The following USP32 variants were observed in gnomAD, a reference collection of about 807,000 sequenced individuals.
The protein encoded by USP32 is ubiquitin specific peptidase 32.
In USP32, 59 loss-of-function variants were observed where a neutral mutation model predicts 204.8. The ratio of observed to expected loss-of-function variants is 0.29; its 90% CI spans 0.23 to 0.36. The LOEUF (loss-of-function observed/expected upper bound fraction) is 0.36. Ranked by LOEUF, USP32 falls within the 10% of genes least tolerant of loss-of-function variation. The pLI, the probability that USP32 is intolerant of heterozygous loss-of-function variation, is 1.00. For synonymous variants in USP32, 517 were observed against 678.4 expected (o/e 0.76, Z 3.70); for missense variants, 1,160 against 1,946.4 (o/e 0.60, Z 7.60).
At chr17:60,399,205 G>A (rs1195833646) in intron 1 of USP32, among the ~76,000 whole-genome samples, 1 of 152,120 alleles carries the variant, frequency 6.6e-6, no homozygotes, top group Non-Finnish European at 1.5e-5. Context: ...AGGCGCTGAA[G>A]ATACAGAATT....
At chr17:60,290,170 C>A (rs1473681103) in intron 4 of USP32, among the ~76,000 whole-genome samples, 1 of 152,190 alleles carries the variant, frequency 6.6e-6, no homozygotes, top group African/African-American at 2.4e-5. Context: ...CTTGCTGCAA[C>A]TAATTTTGCC....
At chr17:60,392,828 C>T (rs976925579), upstream of USP32, among the ~76,000 whole-genome samples, 3 of 152,162 alleles carry the variant, frequency 2.0e-5, no homozygotes, top group African/African-American at 7.2e-5. Flanking sequence ...GCCCGGCCCA[C>T]CTTCTCCTCC....
chr17:60,399,401 T>C (rs2089919794), intron 1 of USP32, among the ~76,000 whole-genome samples: 1 of 152,154 alleles, frequency 6.6e-6, no homozygotes, highest in African/African-American at 2.4e-5. Flanking sequence ...ATACTTGTAA[T>C]GCCAACACTT....
At chr17:60,401,427 A>C (rs933857850) in intron 1 of USP32, among the ~76,000 whole-genome samples, 34 of 152,182 alleles carry the variant, frequency 2.2e-4, no homozygotes, top group African/African-American at 8.0e-4. Context: ...TTTCAGGTAG[A>C]TAGATCTTAG....
Position 60,179,127 on chromosome 17 carries a change from T to C in USP32, c.*128A>G, listed in dbSNP as rs1364252998. Reference sequence around the variant, plus strand: ...AACTATTTTAATTAGAATTTTTATTTTGTGCTTCAGGGCCACAGGATAAAA... The same window carrying C: ...AACTATTTTAATTAGAATTTTTATTCTGTGCTTCAGGGCCACAGGATAAAA... On this transcript the variant is annotated 3_prime_UTR_variant, in exon 34 of 34. Coordinates refer to ENST00000300896, the MANE Select transcript of USP32 (RefSeq NM_032582.4). The C allele has an allele frequency of 1.9e-6, 2 of 1,071,616 alleles. No homozygotes were observed. Among genetic ancestry groups the C allele is most frequent in the Non-Finnish European group, 2.6e-6 (2 of 766,996 alleles). The allele number at this position is 1,071,616 out of a possible 1,614,324, so 66.4% of individuals were successfully genotyped here.
At chr17:60,215,559 C>T (rs2085079934) in intron 16 of USP32, among the ~76,000 whole-genome samples, 1 of 151,588 alleles carries the variant, frequency 6.6e-6, no homozygotes, top group South Asian at 2.1e-4. Flanking sequence ...TAATTGGATT[C>T]ACCTGGTCCA....
intron 2 of USP32, among the ~76,000 whole-genome samples, chr17:60,319,310 A>G (rs868582203): frequency 6.6e-6 from 1 of 152,220 alleles, no homozygotes; most frequent in Non-Finnish European, 1.5e-5. Flanking sequence ...ACTCAGATTA[A>G]GAATATTCAG....
chr17:60,290,163 G>A (rs974484707), intron 4 of USP32, among the ~76,000 whole-genome samples: 1 of 152,112 alleles, frequency 6.6e-6, no homozygotes, highest in Non-Finnish European at 1.5e-5. Context: ...GAGATGACTT[G>A]CTGCAACTAA....
At chr17:60,362,865 A>G (rs567012043) in intron 1 of USP32, among the ~76,000 whole-genome samples, 7 of 152,066 alleles carry the variant, frequency 4.6e-5, no homozygotes, top group Non-Finnish European at 1.0e-4. Flanking sequence ...AAAACACCTT[A>G]GTCAAAAGGC....
chr17:60,318,048 G>A (rs1205967219), intron 2 of USP32, among the ~76,000 whole-genome samples: 3 of 152,166 alleles, frequency 2.0e-5, no homozygotes, highest in Non-Finnish European at 4.4e-5. Flanking sequence ...GATCATGACT[G>A]TTAAACATTT....
intron 2 of USP32, among the ~76,000 whole-genome samples, chr17:60,303,375 C>T (rs1219370697): frequency 6.6e-6 from 1 of 152,026 alleles, no homozygotes; most frequent in Non-Finnish European, 1.5e-5. Flanking sequence ...AAAAGTGTCA[C>T]CCCTAATATC....
At chr17:60,366,660 G>A (rs940983142) in intron 1 of USP32, among the ~76,000 whole-genome samples, 1 of 152,016 alleles carries the variant, frequency 6.6e-6, no homozygotes, top group African/African-American at 2.4e-5. Context: ...TAGATAGTCA[G>A]GAGGCTGAGG....
At chr17:60,292,641 T>C (rs2087311945) in intron 4 of USP32, among the ~76,000 whole-genome samples, 1 of 152,128 alleles carries the variant, frequency 6.6e-6, no homozygotes. Flanking sequence ...ACTACCTCAC[T>C]GCTACACCAT....
chr17:60,253,786 A>AT (rs1324247851), intron 10 of USP32, among the ~76,000 whole-genome samples: 2 of 152,084 alleles, frequency 1.3e-5, no homozygotes, highest in African/African-American at 2.4e-5. Flanking sequence ...AAATAAATAA[A>AT]AAATAAAAAA....
chr17:60,392,541 C>A, upstream of USP32: 2 of 396,442 alleles, frequency 5.0e-6, no homozygotes, highest in South Asian at 1.7e-5. Flanking sequence ...GAGCAGCTGA[C>A]GGTTAGTGTG....
intron 2 of USP32, among the ~76,000 whole-genome samples, chr17:60,328,701 CT>C (rs2088304040): frequency 6.6e-6 from 1 of 152,238 alleles, no homozygotes. Flanking sequence ...TGAGCCAGGG[CT>C]ATGAGTCCCT....
intron 1 of USP32, among the ~76,000 whole-genome samples, chr17:60,414,939 T>G (rs1412960080): frequency 6.6e-6 from 1 of 151,424 alleles, no homozygotes; most frequent in Non-Finnish European, 1.5e-5. Context: ...CAACCTACGG[T>G]CTCCCGGGTT....
chr17:60,181,267 A>G, intron 32 of USP32, 57 bp downstream of exon 32: 1 of 1,549,694 alleles, frequency 6.5e-7, no homozygotes, highest in Non-Finnish European at 8.7e-7. Context: ...TGAATACATG[A>G]AGACAAGTGA....
chr17:60,231,731 T>G (rs1260747139), intron 12 of USP32: 10 of 359,482 alleles, frequency 2.8e-5, no homozygotes, highest in South Asian at 1.8e-4. Context: ...TAATAGCTGC[T>G]CCTTCATAGT....
Sources: gnomAD v4.1 joint callset for allele counts (sites outside exome capture counted in the v4.1 genomes callset) on GRCh38, gnomAD v4.1.1 for gene constraint, MANE v1.5 for transcripts, NCBI Gene and HGNC (gene_info 2026-07-23, HGNC 2026-07-21) for gene names.